The following CPPED1 variants were observed in gnomAD, a reference collection of about 807,000 sequenced individuals.
CPPED1 encodes serine/threonine-protein phosphatase CPPED1.
A neutral mutation model predicts 28.0 loss-of-function variants in CPPED1; 28 were observed. The observed-to-expected ratio is 1.00, with a 90% CI of 0.74 to 1.37. The LOEUF (loss-of-function observed/expected upper bound fraction) is 1.37. Among genes scored for constraint, CPPED1 ranks in the 40% most tolerant of loss-of-function variants. The pLI, the probability that CPPED1 is intolerant of heterozygous loss-of-function variation, is 0.00. For missense variants in CPPED1, 504 were observed against 416.5 expected, an observed-to-expected ratio of 1.21 and a Z score of -1.83; for synonymous variants, 198 against 180.2, an observed-to-expected ratio of 1.10 and a Z score of -0.79.
At chr16:12,665,138 T>TCCCTAGGGTCGGCCC in intron 3 of CPPED1, 23 bp from the exon 4 acceptor site, 1 of 1,583,680 alleles carries the variant, frequency 6.3e-7, no homozygotes, top group Non-Finnish European at 8.5e-7. Context: ...GAAAAAGTCA[T>TCCCTAGGGTCGGCCC]TAGGGGGCCG....
intron 2 of CPPED1, among the ~76,000 whole-genome samples, chr16:12,747,394 T>G (rs956679664): frequency 2.6e-5 from 4 of 151,688 alleles, no homozygotes; most frequent in African/African-American, 9.7e-5. Context: ...ATTGCACCAC[T>G]GCATTCCAGC....
chr16:12,774,525 G>C (rs1481519173), intron 2 of CPPED1, among the ~76,000 whole-genome samples: 1 of 151,926 alleles, frequency 6.6e-6, no homozygotes, highest in Non-Finnish European at 1.5e-5. Flanking sequence ...TTTTGTCTTA[G>C]AAATCTCTTT....
chr16:12,667,252 A>G (rs1213429080), intron 3 of CPPED1, among the ~76,000 whole-genome samples: 1 of 152,234 alleles, frequency 6.6e-6, no homozygotes, highest in Non-Finnish European at 1.5e-5. Flanking sequence ...AATTCACTCC[A>G]GATGAAATTA....
intron 2 of CPPED1, among the ~76,000 whole-genome samples, chr16:12,722,345 T>C (rs1426098428): frequency 6.6e-6 from 1 of 152,148 alleles, no homozygotes; most frequent in Non-Finnish European, 1.5e-5. Context: ...GCAAACCAAA[T>C]GATTTCTCCA....
intron 2 of CPPED1, among the ~76,000 whole-genome samples, chr16:12,740,088 G>A (rs2080246739): frequency 1.4e-5 from 2 of 145,864 alleles, no homozygotes; most frequent in Non-Finnish European, 3.1e-5. Context: ...GGAAAGAAAG[G>A]AAAGGAAGGA....
chr16:12,777,903 CTTTTTTTT>C (rs67527035), intron 2 of CPPED1, among the ~76,000 whole-genome samples: 1 of 126,604 alleles, frequency 7.9e-6, no homozygotes, highest in Non-Finnish European at 1.7e-5. Context: ...TTTCTATTTT[CTTTTTTTT>C]TTTTTTTTCT....
intron 2 of CPPED1, among the ~76,000 whole-genome samples, chr16:12,724,861 A>G (rs1355288936): frequency 6.6e-6 from 1 of 151,204 alleles, no homozygotes; most frequent in Non-Finnish European, 1.5e-5. Context: ...ATCTCGGCTC[A>G]CCGCAAGCTC....
intron 3 of CPPED1, 49 bp downstream of exon 3, chr16:12,704,575 T>C: frequency 6.5e-7 from 1 of 1,534,844 alleles, no homozygotes. Flanking sequence ...GGAAATGCCC[T>C]CTCTAGACTT....
At chr16:12,686,351 G>T (rs1027244962) in intron 3 of CPPED1, among the ~76,000 whole-genome samples, 2 of 151,916 alleles carry the variant, frequency 1.3e-5, no homozygotes, top group African/African-American at 4.8e-5. Context: ...CTACAGGCAT[G>T]AGCCACCATG....
intron 3 of CPPED1, among the ~76,000 whole-genome samples, chr16:12,702,635 C>T (rs2080026495): frequency 6.6e-6 from 1 of 152,042 alleles, no homozygotes; most frequent in African/African-American, 2.4e-5. Flanking sequence ...GAACTACATA[C>T]CACTCAGGAA....
intron 2 of CPPED1, among the ~76,000 whole-genome samples, chr16:12,712,090 G>A (rs1013885413): frequency 4.6e-5 from 7 of 152,160 alleles, no homozygotes; most frequent in Non-Finnish European, 1.0e-4. Context: ...CAGAGCTCAC[G>A]TTTACCTGAC....
intron 2 of CPPED1, chr16:12,753,787 T>A (rs2080346662): frequency 6.6e-6 from 1 of 152,130 alleles, no homozygotes; most frequent in Non-Finnish European, 1.5e-5. Context: ...GAGCCCCCTC[T>A]CATTTATTTT....
chr16:12,680,180 T>C (rs184526256), intron 3 of CPPED1, among the ~76,000 whole-genome samples: 16 of 152,342 alleles, frequency 1.1e-4, no homozygotes, highest in East Asian at 3.9e-4. Context: ...AAATCATTTA[T>C]GACTGCTCAA....
rs138038115 is a variant in CPPED1, at chr16:12,756,128, C to CA, written c.289+25056dup. 1.3e-3 allele frequency among the ~76,000 whole-genome samples: 197 copies of CA among 146,056 alleles called. 1 individual carries two copies. The highest frequency in any genetic ancestry group is 2.8e-3 in the African/African-American group (106 of 38,238). ...CCTGGGCAACAGAGCGAAACTCCGTCAAAAAAAACAAAAAAAAATCGGAAG... is the reference window on the plus strand; with the variant it reads ...CCTGGGCAACAGAGCGAAACTCCGTCAAAAAAAAACAAAAAAAAATCGGAAG... On this transcript the variant is annotated intron_variant, in intron 2 of 3. Transcript: ENST00000381774.
At chr16:12,672,806 G>C (rs889749254) in intron 3 of CPPED1, among the ~76,000 whole-genome samples, 3 of 152,158 alleles carry the variant, frequency 2.0e-5, no homozygotes, top group Non-Finnish European at 4.4e-5. Flanking sequence ...TTGAGGTCAG[G>C]AGTTCGAGAA....
At chr16:12,717,826 G>C (rs530323510) in intron 2 of CPPED1, among the ~76,000 whole-genome samples, 1 of 151,926 alleles carries the variant, frequency 6.6e-6, no homozygotes, top group East Asian at 2.0e-4. Context: ...ACTTTTAGTA[G>C]AGGCAGGGTT....
chr16:12,801,060 T>C (rs2080656598), intron 1 of CPPED1, among the ~76,000 whole-genome samples: 1 of 152,152 alleles, frequency 6.6e-6, no homozygotes, highest in Admixed American at 6.5e-5. Flanking sequence ...GACAGTGCAA[T>C]AGGAATATAA....
chr16:12,668,377 T>C (rs2079836824), intron 3 of CPPED1, among the ~76,000 whole-genome samples: 1 of 152,176 alleles, frequency 6.6e-6, no homozygotes, highest in Non-Finnish European at 1.5e-5. Context: ...AAAGCATATA[T>C]AAGTTATTGC....
chr16:12,766,633 G>A (rs538497129), intron 2 of CPPED1, among the ~76,000 whole-genome samples: 1 of 152,250 alleles, frequency 6.6e-6, no homozygotes, highest in South Asian at 2.1e-4. Context: ...ATCAGGTGTG[G>A]TGGCGGGCAC....
Sources: gnomAD v4.1 joint callset for allele counts (sites outside exome capture counted in the v4.1 genomes callset) on GRCh38, gnomAD v4.1.1 for gene constraint, MANE v1.5 for transcripts, NCBI Gene and HGNC (gene_info 2026-07-23, HGNC 2026-07-21) for gene names.